CFAP77: variants seen among roughly 807,000 people sequenced by gnomAD.
CFAP77 encodes cilia and flagella associated protein 77.
A neutral mutation model predicts 31.1 loss-of-function variants in CFAP77; 25 were observed. That is an observed-to-expected ratio of 0.80 (90% CI 0.59 to 1.12). The LOEUF (loss-of-function observed/expected upper bound fraction) is 1.12, where lower values mean the gene tolerates loss of function less well. Ranked by LOEUF, CFAP77 falls within the 50% of genes most tolerant of loss-of-function variation. The pLI, the probability that CFAP77 is intolerant of heterozygous loss-of-function variation, is 0.00. For missense variants in CFAP77, 377 were observed against 397.3 expected (o/e 0.95, Z 0.44); for synonymous variants, 151 against 159.9 (o/e 0.94, Z 0.42).
chr9:132,412,747 T>A (rs193225961), intron 1 of CFAP77, among the ~76,000 whole-genome samples: 182 of 152,272 alleles, frequency 1.2e-3, no homozygotes, highest in African/African-American at 3.4e-3. Flanking sequence ...TTAGTTTTTT[T>A]AAAAAAATTA....
intron 1 of CFAP77, among the ~76,000 whole-genome samples, chr9:132,458,974 C>G (rs1013727414): frequency 1.3e-5 from 2 of 152,054 alleles, no homozygotes; most frequent in African/African-American, 2.4e-5. Context: ...CAGACCAGAT[C>G]GTGGGAGAAA....
intron 3 of CFAP77, among the ~76,000 whole-genome samples, chr9:132,524,287 A>G (rs997406095): frequency 6.6e-6 from 1 of 151,772 alleles, no homozygotes; most frequent in African/African-American, 2.4e-5. Flanking sequence ...TCTATAGGAC[A>G]ATTGGGAGAG....
intron 1 of CFAP77, among the ~76,000 whole-genome samples, chr9:132,439,765 C>T (rs1443003060): frequency 1.3e-5 from 2 of 148,664 alleles, no homozygotes; most frequent in Non-Finnish European, 3.0e-5. Context: ...AGGAGAATGG[C>T]GTGAACCCGG....
chr9:132,569,813 G>A (rs1484705880), intron 5 of CFAP77, among the ~76,000 whole-genome samples: 3 of 142,494 alleles, frequency 2.1e-5, no homozygotes, highest in Non-Finnish European at 3.0e-5. Flanking sequence ...TCGGCTCACT[G>A]CAACCTCCGC....
rs1215821562 is a variant in CFAP77, at chr9:132,455,278, G to A, written c.196-43417G>A. On this transcript the variant is annotated intron_variant, in intron 1 of 5. Transcript: ENST00000393216. This position sits in a 1 kb window ranked among gnomAD's most constrained non-coding sequence, Gnocchi z 4.1. Reference sequence around the variant, plus strand: ...TCCCAGCACTTTGGGAGGCCGAGGCGGGTGGATCACCTGAGGTCAGGAGTT... The same window carrying A: ...TCCCAGCACTTTGGGAGGCCGAGGCAGGTGGATCACCTGAGGTCAGGAGTT... Among the ~76,000 whole-genome samples, 2 of 152,036 alleles carry A rather than the reference G, an allele frequency of 1.3e-5. No homozygotes were observed. The highest frequency in any genetic ancestry group is 4.8e-5 in the African/African-American group (2 of 41,390).
chr9:132,469,839 T>C (rs1851221424), intron 1 of CFAP77, among the ~76,000 whole-genome samples: 4 of 91,320 alleles, frequency 4.4e-5, no homozygotes, highest in African/African-American at 2.8e-4. Context: ...TGCTCCGTGA[T>C]TTTTTTTTTT....
Position 132,521,778 on chromosome 9 carries a change from T to TTTTTTTTTTTTTG in CFAP77, c.525-15817_525-15816insTTTTTTGTTTTTT, listed in dbSNP as rs533275755. 4.2e-3 allele frequency among the ~76,000 whole-genome samples: 450 copies of TTTTTTTTTTTTTG among 106,138 alleles called. 18 individuals carry two copies. Among genetic ancestry groups the TTTTTTTTTTTTTG allele is most frequent in the African/African-American group, 0.016 (419 of 26,036 alleles). The allele number at this position is 106,138 out of a possible 152,430, so 69.6% of individuals were successfully genotyped here. A position where few individuals can be genotyped will look rare whatever the true frequency, so the allele number is the denominator to read the frequency against. Reference sequence around the variant, plus strand: ...ATAGACTTGCTTTTTTTTTTTTTTTTTTTTTTGAGATGAAGTCTCACTCTG... The same window carrying TTTTTTTTTTTTTG: ...ATAGACTTGCTTTTTTTTTTTTTTTTTTTTTTTTTTTTGTTTTTTGAGATGAAGTCTCACTCTG... On this transcript the variant is annotated intron_variant, in intron 3 of 5. Coordinates refer to ENST00000393216, the MANE Select transcript of CFAP77 (RefSeq NM_001282957.2).
chr9:132,559,258 T>C lies in CFAP77; in HGVS notation c.733-13130T>C, dbSNP rs147664749. ...TACTCGGGAGGCCGAGGCAGAAGAA[T>C]GGCATGAACCCGGGAGGCGGAGGTT... On this transcript the variant is annotated intron_variant, in intron 5 of 5. Transcript: ENST00000393216. Among the ~76,000 whole-genome samples, 419 of 142,400 alleles carry C rather than the reference T, an allele frequency of 2.9e-3. 1 individual carries two copies. The highest frequency in any genetic ancestry group is 0.011 in the African/African-American group (400 of 37,906). The allele number at this position is 142,400 out of a possible 152,430, so 93.4% of individuals were successfully genotyped here.
At chr9:132,410,977 A>C (rs1849984833) in intron 1 of CFAP77, among the ~76,000 whole-genome samples, 1 of 152,124 alleles carries the variant, frequency 6.6e-6, no homozygotes, top group African/African-American at 2.4e-5. Flanking sequence ...GATCATACTA[A>C]TTTCTTACCC....
intron 3 of CFAP77, among the ~76,000 whole-genome samples, chr9:132,533,867 C>T (rs958211495): frequency 7.2e-5 from 11 of 151,804 alleles, no homozygotes; most frequent in Non-Finnish European, 1.3e-4. Flanking sequence ...GGCAACAGAG[C>T]GAGACTCTAT....
At chr9:132,493,340 G>A (rs1851681132) in intron 1 of CFAP77, among the ~76,000 whole-genome samples, 1 of 152,238 alleles carries the variant, frequency 6.6e-6, no homozygotes, top group Non-Finnish European at 1.5e-5. Flanking sequence ...GGGGATTTCA[G>A]GATGAGACTC....
At chr9:132,436,662 T>G (rs1181085612) in intron 1 of CFAP77, among the ~76,000 whole-genome samples, 3 of 152,198 alleles carry the variant, frequency 2.0e-5, no homozygotes. Context: ...TGAAGACATT[T>G]AAGTGATATC....
chr9:132,515,834 T>C (rs1852136299), intron 3 of CFAP77, among the ~76,000 whole-genome samples: 1 of 151,838 alleles, frequency 6.6e-6, no homozygotes, highest in Non-Finnish European at 1.5e-5. Flanking sequence ...CCTCCGTTTC[T>C]CCGTCGGTCA....
intron 1 of CFAP77, among the ~76,000 whole-genome samples, chr9:132,458,033 G>C (rs1190630522): frequency 6.6e-6 from 1 of 152,098 alleles, no homozygotes; most frequent in Non-Finnish European, 1.5e-5. Flanking sequence ...TCCCTCCCTC[G>C]TCATATTTTA....
chr9:132,521,911 G>A (rs943393534), intron 3 of CFAP77, among the ~76,000 whole-genome samples: 1 of 151,814 alleles, frequency 6.6e-6, no homozygotes, highest in Non-Finnish European at 1.5e-5. Context: ...ACAGGTGCAC[G>A]CCACCATGCC....
At chr9:132,418,249 C>G (rs757937594) in intron 1 of CFAP77, among the ~76,000 whole-genome samples, 4 of 152,252 alleles carry the variant, frequency 2.6e-5, no homozygotes, top group Non-Finnish European at 5.9e-5. Context: ...GTTATTACAC[C>G]TGGCGAGGGG....
At position 132,446,577 on chromosome 9, in the gene CFAP77, A is replaced by G. The variant is rs191555375; in HGVS notation, c.195+36111A>G. On this transcript the variant is annotated intron_variant, in intron 1 of 5. Transcript: ENST00000393216. The stretch of plus-strand genomic sequence containing the variant: ...AACATGGTGAAACCCCGTCTCTACT[A>G]AAAAATACAAAAAATTAGCTGGGCG... Among the ~76,000 whole-genome samples the G allele has an allele frequency of 6.8e-4, 103 of 151,710 alleles. 1 individual carries two copies. In the East Asian group the frequency reaches 0.02, roughly 29 times the overall value.
At chr9:132,483,693 G>A (rs904905791) in intron 1 of CFAP77, among the ~76,000 whole-genome samples, 1 of 152,082 alleles carries the variant, frequency 6.6e-6, no homozygotes, top group African/African-American at 2.4e-5. Context: ...AGATGGAAAC[G>A]GCCTTCACTA....
intron 5 of CFAP77, among the ~76,000 whole-genome samples, chr9:132,549,674 C>T (rs958669610): frequency 1.3e-5 from 2 of 152,004 alleles, no homozygotes; most frequent in African/African-American, 4.8e-5. Context: ...TCTGTTTCTA[C>T]TAAAAATGCA....
Sources: allele counts gnomAD v4.1 joint callset (sites outside exome capture counted in the v4.1 genomes callset), GRCh38; gene constraint gnomAD v4.1.1; non-coding constraint Gnocchi (gnomAD v3.1); transcripts MANE v1.5; gene names NCBI Gene and HGNC (gene_info 2026-07-23, HGNC 2026-07-21).